The following SCN8A variants were observed in gnomAD, a reference collection of about 807,000 sequenced individuals.
The protein encoded by SCN8A is sodium channel protein type 8 subunit alpha.
A neutral mutation model predicts 184.1 loss-of-function variants in SCN8A; 30 were observed. That is an observed-to-expected ratio of 0.16 (90% CI 0.12 to 0.22). The LOEUF is 0.22. Among genes scored for constraint, SCN8A ranks in the 10% least tolerant of loss-of-function variants. SCN8A has a pLI of 1.00. For synonymous variants in SCN8A, 852 were observed against 907.0 expected (o/e 0.94, Z 1.09); for missense variants, 1,057 against 2,498.9 (o/e 0.42, Z 12.30).
intron 1 of SCN8A, among the ~76,000 whole-genome samples, chr12:51,633,427 A>G (rs750161585): frequency 1.8e-4 from 28 of 152,306 alleles, no homozygotes; most frequent in African/African-American, 5.8e-4. Flanking sequence ...TGTATGCTCA[A>G]AGTTCACATT....
chr12:51,605,874 T>G (rs2138567221), intron 1 of SCN8A, among the ~76,000 whole-genome samples: 1 of 152,380 alleles, frequency 6.6e-6, no homozygotes, highest in Non-Finnish European at 1.5e-5. Context: ...CATATATTTG[T>G]TGGCCATTTG....
intron 12 of SCN8A, among the ~76,000 whole-genome samples, chr12:51,726,078 C>T (rs1942150680): frequency 6.6e-6 from 1 of 152,232 alleles, no homozygotes. Flanking sequence ...GACATTCAGA[C>T]ATCACTTCAT....
chr12:51,781,647 C>T (rs1003923531), intron 21 of SCN8A, among the ~76,000 whole-genome samples: 4 of 151,114 alleles, frequency 2.6e-5, no homozygotes, highest in Non-Finnish European at 5.9e-5. Flanking sequence ...TGCGTGCGTG[C>T]ACGCGCACGC....
At chr12:51,746,313 C>T (rs1320730942) in intron 13 of SCN8A, among the ~76,000 whole-genome samples, 1 of 152,046 alleles carries the variant, frequency 6.6e-6, no homozygotes, top group Non-Finnish European at 1.5e-5. Flanking sequence ...AGCTCAAGAC[C>T]CCTGTCATTG....
intron 12 of SCN8A, chr12:51,723,248 C>T (rs1942098187): frequency 6.6e-6 from 1 of 152,120 alleles, no homozygotes; most frequent in African/African-American, 2.4e-5. Context: ...CTTTGGGAGG[C>T]CAAGGAAAGA....
chr12:51,606,904 A>T (rs59110576), intron 1 of SCN8A, among the ~76,000 whole-genome samples: 3,161 of 145,630 alleles, frequency 0.022, 74 homozygotes, highest in East Asian at 0.065. Flanking sequence ...TTATTTATTT[A>T]TTTTTTTTTT....
intron 1 of SCN8A, among the ~76,000 whole-genome samples, chr12:51,629,065 T>C (rs1035742834): frequency 7.9e-5 from 12 of 152,336 alleles, no homozygotes; most frequent in African/African-American, 2.9e-4. Flanking sequence ...GACTACTGTT[T>C]GGCCTCAAAA....
intron 1 of SCN8A, among the ~76,000 whole-genome samples, chr12:51,657,175 T>C (rs1039296452): frequency 6.6e-6 from 1 of 152,142 alleles, no homozygotes; most frequent in Non-Finnish European, 1.5e-5. Flanking sequence ...TTTTTGGTTT[T>C]ATTGTTATTT....
Position 51,797,528 on chromosome 12 carries a change from G to A in SCN8A, c.4795+2887G>A, listed in dbSNP as rs145590577. Among the ~76,000 whole-genome samples, 599 of 152,216 alleles carry A rather than the reference G, an allele frequency of 3.9e-3. 3 individuals are homozygous for A. The highest frequency in any genetic ancestry group is 0.013 in the African/African-American group (546 of 41,544). On this transcript the variant is annotated intron_variant, in intron 26 of 26. Transcript: ENST00000627620. ...TCACTTTGCCTTCAGCAAGCACCAC[G>A]GCTGGTTGTGGTTATTTACCTGGTG... is the stretch of plus-strand genomic sequence containing the variant.
intron 11 of SCN8A, among the ~76,000 whole-genome samples, chr12:51,709,359 G>A (rs574017034): frequency 5.9e-5 from 9 of 152,290 alleles, no homozygotes; most frequent in African/African-American, 2.2e-4. Context: ...GAAGAATAGT[G>A]AGCCAAAGGC....
intron 1 of SCN8A, among the ~76,000 whole-genome samples, chr12:51,640,507 G>A (rs959366509): frequency 6.6e-6 from 1 of 152,004 alleles, no homozygotes; most frequent in Middle Eastern, 3.4e-3. Flanking sequence ...GTCCCAAGCA[G>A]CAATAGGTAA....
chr12:51,769,757 C>T (rs1011740696), intron 17 of SCN8A, 111 bp from the exon 18 acceptor site: 2 of 739,938 alleles, frequency 2.7e-6, no homozygotes, highest in South Asian at 1.5e-5. Flanking sequence ...AGTAAGAATT[C>T]TAGAGAGGAG....
rs71092712 is a variant in SCN8A, at chr12:51,639,879, C to CT, written c.-54-22847dup. 5.3e-4 allele frequency among the ~76,000 whole-genome samples: 8 copies of CT among 15,070 alleles called. 2 individuals carry two copies. The highest frequency in any genetic ancestry group is 8.0e-3 in the South Asian group (2 of 250). The allele number at this position is 15,070 out of a possible 152,430, so 9.9% of individuals were successfully genotyped here. A position where few individuals can be genotyped will look rare whatever the true frequency, so the allele number is the denominator to read the frequency against. Reference sequence around the variant, plus strand: ...AGTATTTTTTGAATTAAGGTATATGCTTTTTTTTTTTTTTTTTTTTTTTTT... The same window carrying CT: ...AGTATTTTTTGAATTAAGGTATATGCTTTTTTTTTTTTTTTTTTTTTTTTTT... On this transcript the variant is annotated intron_variant, in intron 1 of 26. Coordinates refer to ENST00000627620, the MANE Select transcript of SCN8A (RefSeq NM_001330260.2).
chr12:51,667,639 T>A (rs1941057735), intron 2 of SCN8A, among the ~76,000 whole-genome samples: 1 of 152,226 alleles, frequency 6.6e-6, no homozygotes, highest in Non-Finnish European at 1.5e-5. Context: ...CTTAATAATT[T>A]GTTGAATACA....
chr12:51,607,790 G>A (rs1939628074), intron 1 of SCN8A, among the ~76,000 whole-genome samples: 1 of 152,102 alleles, frequency 6.6e-6, no homozygotes, highest in Non-Finnish European at 1.5e-5. Flanking sequence ...CTTGATCATG[G>A]TGGATTATCT....
At chr12:51,767,218 A>G (rs1653181463) in intron 16 of SCN8A, among the ~76,000 whole-genome samples, 1 of 152,010 alleles carries the variant, frequency 6.6e-6, no homozygotes. Flanking sequence ...CATGATCAAC[A>G]TTTTCAAGCC....
At chr12:51,633,761 T>C (rs183025806) in intron 1 of SCN8A, among the ~76,000 whole-genome samples, 1 of 152,336 alleles carries the variant, frequency 6.6e-6, no homozygotes. Context: ...GTTGACGTAA[T>C]CATATGCATT....
chr12:51,762,481 C>A (rs1237342890), intron 14 of SCN8A, 22 bp from the exon 15 acceptor site: 7 of 1,606,314 alleles, frequency 4.4e-6, no homozygotes, highest in South Asian at 1.1e-5. Context: ...ATTTTTCTTA[C>A]CCCCTGCATC....
In SCN8A at chr12:51,721,727, G is replaced by C; in HGVS notation, c.1817G>C (p.Arg606Pro). ...CGGGACTCCCTCTTCATCCCCATCC[G>C]GGCCCGCGAGCGCCGGAGCAGCTAC... ...GRRDSLFIPI[R>P]ARERRSSYSG... Residue 606 changes from arginine (R) to proline (P), a missense_variant, in exon 12 of 27, where the codon CGG becomes CCG. Transcript: ENST00000627620. 3 of 1,596,060 alleles carry C rather than the reference G, an allele frequency of 1.9e-6. No individual in the cohort carries two copies. Among genetic ancestry groups the C allele is most frequent in the South Asian group, 1.1e-5 (1 of 89,332 alleles).
Sources: gnomAD v4.1 joint callset for allele counts (sites outside exome capture counted in the v4.1 genomes callset) on GRCh38, gnomAD v4.1.1 for gene constraint, MANE v1.5 for transcripts, NCBI Gene and HGNC (gene_info 2026-07-23, HGNC 2026-07-21) for gene names.